RMP64: variants seen among roughly 807,000 people sequenced by gnomAD.
RMP64 encodes the protein nucleolus and neural progenitor protein.
At chr3:113,010,061 A>G in the RMP64 span, among the ~76,000 whole-genome samples, 3 of 152,202 alleles carry the variant, frequency 2.0e-5, no homozygotes, top group East Asian at 5.8e-4. Context: ...ATTTACAGAC[A>G]TTAATCAATC....
chr3:113,009,661 A>T, the RMP64 span: 2 of 152,328 alleles, frequency 1.3e-5, no homozygotes, highest in South Asian at 4.1e-4. Flanking sequence ...TTTATTCACT[A>T]TGTGGCCTGG....
the RMP64 span, chr3:113,005,537 T>TA: frequency 6.3e-7 from 1 of 1,590,712 alleles, no homozygotes; most frequent in Non-Finnish European, 8.6e-7. Context: ...AACGAACATC[T>TA]AAACTCCCAT....
At chr3:113,005,893 T>C in the RMP64 span, 1 of 1,613,804 alleles carries the variant, frequency 6.2e-7, no homozygotes, top group Non-Finnish European at 8.5e-7. Context: ...TCCGTAAAAA[T>C]TTATTCTGTG....
chr3:113,004,052 T>C, the RMP64 span: 4 of 152,216 alleles, frequency 2.6e-5, no homozygotes, highest in Non-Finnish European at 5.9e-5. Flanking sequence ...CAAGGACACT[T>C]AGAAGTTAAT....
the RMP64 span, chr3:113,018,988 C>A: frequency 6.5e-6 from 1 of 153,476 alleles, no homozygotes; most frequent in African/African-American, 2.4e-5. Flanking sequence ...GGCAAAACAC[C>A]GTCGTTTACA....
At chr3:113,018,261 T>G in the RMP64 span, among the ~76,000 whole-genome samples, 1 of 152,300 alleles carries the variant, frequency 6.6e-6, no homozygotes, top group East Asian at 1.9e-4. Flanking sequence ...TAAATGGAAG[T>G]AAAGGCTGGT....
At chr3:113,006,230 A>G in the RMP64 span, among the ~76,000 whole-genome samples, 1 of 152,192 alleles carries the variant, frequency 6.6e-6, no homozygotes, top group Admixed American at 6.5e-5. Flanking sequence ...TTTGCTTTCA[A>G]ACTCTCAAAA....
chr3:113,017,692 AT>A, the RMP64 span: 1 of 1,233,798 alleles, frequency 8.1e-7, no homozygotes, highest in Non-Finnish European at 1.1e-6. Flanking sequence ...ATCTTTCCTT[AT>A]TTGTTTTAAA....
At chr3:113,007,755 C>A in the RMP64 span, among the ~76,000 whole-genome samples, 82 of 152,306 alleles carry the variant, frequency 5.4e-4, no homozygotes, top group African/African-American at 1.9e-3. Flanking sequence ...GGAAGGCAGG[C>A]ACCTTCTGCT....
the RMP64 span, chr3:113,005,565 C>G: frequency 1.2e-6 from 2 of 1,612,712 alleles, no homozygotes; most frequent in Admixed American, 1.7e-5. Context: ...AAAATATCAT[C>G]AATGTCATCT....
At chr3:113,019,571 A>G in the RMP64 span, 5 of 1,613,664 alleles carry the variant, frequency 3.1e-6, no homozygotes, top group Non-Finnish European at 4.2e-6. Flanking sequence ...CTGCACTGTC[A>G]CTGCGCTGCG....
chr3:113,010,496 T>G, the RMP64 span: 1 of 630,038 alleles, frequency 1.6e-6, no homozygotes, highest in Non-Finnish European at 2.8e-6. Context: ...TTGCCTCTAT[T>G]CATTCAGAAG....
At chr3:113,011,591 A>G in the RMP64 span, 1 of 449,434 alleles carries the variant, frequency 2.2e-6, no homozygotes, top group African/African-American at 2.0e-5. Context: ...ATCCAAGTAT[A>G]AAATGTTACT....
chr3:113,017,432 TACCGGGCTTCCTC>T, the RMP64 span: 1 of 1,611,322 alleles, frequency 6.2e-7, no homozygotes, highest in Non-Finnish European at 8.5e-7. Flanking sequence ...GGGTCTCACC[TACCGGGCTTCCTC>T]ACCTGTTTGA....
the RMP64 span, chr3:113,008,319 C>G: frequency 6.2e-7 from 1 of 1,613,986 alleles, no homozygotes; most frequent in Non-Finnish European, 8.5e-7. Context: ...GACTCAGCCT[C>G]TCGGAATCTT....
At chr3:113,006,056 C>T in the RMP64 span, 1 of 1,252,812 alleles carries the variant, frequency 8.0e-7, no homozygotes, top group African/African-American at 1.5e-5. Flanking sequence ...GAAAAACATT[C>T]TCAAGCACTT....
chr3:113,010,489 CCT>C, the RMP64 span: 3 of 614,486 alleles, frequency 4.9e-6, no homozygotes. Context: ...AAATCCCTTG[CCT>C]CTATTCATTC....
the RMP64 span, chr3:113,012,413 A>C: frequency 1.5e-5 from 3 of 206,064 alleles, no homozygotes; most frequent in Admixed American, 1.2e-4. Context: ...TAATTTTTTT[A>C]ATGTTCAGTA....
chr3:113,013,404 C>T, the RMP64 span: 2 of 1,561,872 alleles, frequency 1.3e-6, no homozygotes, highest in Non-Finnish European at 1.7e-6. Flanking sequence ...CTGATTTTCA[C>T]TTGAAAAAAA....
Sources: gnomAD v4.1 joint callset for allele counts (sites outside exome capture counted in the v4.1 genomes callset) on GRCh38, gnomAD v4.1.1 for gene constraint, MANE v1.5 for transcripts, NCBI Gene and HGNC (gene_info 2026-07-23, HGNC 2026-07-21) for gene names.